Variants in CYLC1 observed in about 807,000 individuals in gnomAD.
CYLC1 encodes cylicin 1.
CYLC1 carries 2 observed loss-of-function variants against 31.6 expected under a neutral mutation model. The observed-to-expected ratio is 0.06, with a 90% CI of 0.03 to 0.20. The LOEUF (loss-of-function observed/expected upper bound fraction) is 0.20. Among genes scored for constraint, CYLC1 ranks in the 10% least tolerant of loss-of-function variants. CYLC1 has a pLI of 1.00. For missense variants in CYLC1, 595 were observed against 424.1 expected (o/e 1.40, Z -3.54); for synonymous variants, 185 against 153.0 (o/e 1.21, Z -1.54).
rs764898635 is a variant in CYLC1, at chrX:83,865,285, C to A, written c.17+4086C>A. ...GCATACACACACACACACACACGCA[C>A]CAACATAGCTTTGGCATCATCCTCG... On this transcript the variant is annotated intron_variant, in intron 1 of 4. Coordinates refer to ENST00000329312, the MANE Select transcript of CYLC1 (RefSeq NM_021118.3). Among the ~76,000 whole-genome samples, 394 of 111,212 alleles carry A rather than the reference C, an allele frequency of 3.5e-3. 1 individual carries two copies. Among genetic ancestry groups the A allele is most frequent in the Non-Finnish European group, 5.9e-3 (312 of 52,958 alleles).
At chrX:83,864,923 G>T (rs2031571493) in intron 1 of CYLC1, among the ~76,000 whole-genome samples, 1 of 109,998 alleles carries the variant, frequency 9.1e-6, no homozygotes, top group African/African-American at 3.3e-5. Context: ...TTTAAATGTT[G>T]AATAGCCTAA....
intron 1 of CYLC1, among the ~76,000 whole-genome samples, chrX:83,862,176 A>G (rs183712256): frequency 8.8e-4 from 98 of 111,697 alleles, no homozygotes; most frequent in South Asian, 6.6e-3. Flanking sequence ...TGTAATGTTC[A>G]TATTTTTTTC....
At chrX:83,884,745 A>G (rs184027302) in intron 4 of CYLC1, among the ~76,000 whole-genome samples, 4 of 110,989 alleles carry the variant, frequency 3.6e-5, no homozygotes, top group Non-Finnish European at 7.6e-5. Flanking sequence ...TTTGCTAACA[A>G]TTTTTTTTCC....
At chrX:83,878,150 G>A (rs865776269) in intron 4 of CYLC1, among the ~76,000 whole-genome samples, 1 of 30,213 alleles carries the variant, frequency 3.3e-5, no homozygotes, top group Non-Finnish European at 5.0e-5. Context: ...ATATATATTT[G>A]TATATAAATA....
At chrX:83,876,202 G>T (rs899465064) in intron 4 of CYLC1, among the ~76,000 whole-genome samples, 1 of 110,272 alleles carries the variant, frequency 9.1e-6, no homozygotes, top group African/African-American at 3.3e-5. Context: ...TTCAAGTCTA[G>T]CTTTCTCCCA....
At chrX:83,880,534 T>G (rs1446703878) in intron 4 of CYLC1, among the ~76,000 whole-genome samples, 1 of 111,618 alleles carries the variant, frequency 9.0e-6, no homozygotes, top group African/African-American at 3.3e-5. Context: ...ATAATTTGGA[T>G]TTAAATCCTT....
intron 4 of CYLC1, among the ~76,000 whole-genome samples, chrX:83,875,870 G>C (rs144784797): frequency 1.8e-5 from 2 of 110,097 alleles, no homozygotes; most frequent in Non-Finnish European, 3.8e-5. Flanking sequence ...TCTAAGCATC[G>C]TAGGACTGCT....
intron 4 of CYLC1, among the ~76,000 whole-genome samples, chrX:83,878,444 A>AATATATATAAATATATATAAAT (rs1569336033): frequency 3.6e-4 from 14 of 38,794 alleles, no homozygotes; most frequent in Non-Finnish European, 5.1e-4. Flanking sequence ...AATATATATA[A>AATATATATAAATATATATAAAT]ATATATATAA....
intron 4 of CYLC1, among the ~76,000 whole-genome samples, chrX:83,886,185 C>T (rs1437964020): frequency 1.8e-5 from 2 of 110,970 alleles, no homozygotes; most frequent in Non-Finnish European, 3.8e-5. Flanking sequence ...AAGTTCTAAT[C>T]CATTAATGTA....
At chrX:83,879,185 A>T (rs2147785921) in intron 4 of CYLC1, among the ~76,000 whole-genome samples, 1 of 110,771 alleles carries the variant, frequency 9.0e-6, no homozygotes, top group Non-Finnish European at 1.9e-5. Context: ...TACAAATACA[A>T]CAACAGAAAC....
intron 1 of CYLC1, among the ~76,000 whole-genome samples, chrX:83,864,474 TG>T (rs768050557): frequency 9.0e-6 from 1 of 111,234 alleles, no homozygotes; most frequent in Non-Finnish European, 1.9e-5. Context: ...CCCCATTTTC[TG>T]TCAGCTTTAT....
In CYLC1 at chrX:83,861,197, G is replaced by A. The variant is rs763642837; in HGVS notation, c.15G>A (p.Arg5=). The A allele has an allele frequency of 2.5e-6, 3 of 1,192,627 alleles. No individual in the cohort carries two copies. Among genetic ancestry groups the A allele is most frequent in the South Asian group, 1.8e-5 (1 of 54,214 alleles). MSLP[R]LLKVNIRTYD... ...AGGCAGGGGAAATGTCTCTTCCAAG[G>A]TTGTAAGTCCTCTTTTTAATATTTT... Residue 5 remains arginine, a splice_region_variant and synonymous_variant, in exon 1 of 5, where the codon AGG becomes AGA. Coordinates refer to ENST00000329312, the MANE Select transcript of CYLC1 (RefSeq NM_021118.3).
chrX:83,886,463 C>T (rs2031984267), intron 4 of CYLC1, 89 bp from the exon 5 acceptor site: 3 of 858,349 alleles, frequency 3.5e-6, no homozygotes, highest in Non-Finnish European at 3.4e-6. Context: ...TCTGTGCTTT[C>T]GTGTGATCCT....
chrX:83,867,189 C>T (rs767090978), intron 1 of CYLC1, among the ~76,000 whole-genome samples: 26 of 111,737 alleles, frequency 2.3e-4, no homozygotes, highest in African/African-American at 7.5e-4. Context: ...TTTACGTATT[C>T]TCAAAGATGA....
At chrX:83,876,545 C>A (rs2031761816) in intron 4 of CYLC1, among the ~76,000 whole-genome samples, 1 of 111,016 alleles carries the variant, frequency 9.0e-6, no homozygotes, top group African/African-American at 3.3e-5. Flanking sequence ...CTTTAATAAA[C>A]TTCCATATGC....
chrX:83,862,753 G>A (rs2031534038), intron 1 of CYLC1, among the ~76,000 whole-genome samples: 1 of 111,152 alleles, frequency 9.0e-6, no homozygotes, highest in Non-Finnish European at 1.9e-5. Flanking sequence ...ACTGTCATCA[G>A]CAACACCCTC....
Position 83,873,896 on chromosome X carries a change from G to T in CYLC1, c.1188G>T (p.Lys396Asn), listed in dbSNP as rs755922353. 8.4e-7 allele frequency: 1 copy of T among 1,196,736 alleles called. No homozygotes were observed. The highest frequency in any genetic ancestry group is 3.0e-5 in the East Asian group (1 of 33,044). Residue 396 changes from lysine (K) to asparagine (N), a missense_variant, in exon 4 of 5, where the codon AAG becomes AAT. Physicochemically the swap from Lys to Asn is moderately conservative, Grantham distance 94. Coordinates refer to ENST00000329312, the MANE Select transcript of CYLC1 (RefSeq NM_021118.3). ...NLKKASKNDDKKKDAKKITFS... is the reference protein window; with the variant it reads ...NLKKASKNDDNKKDAKKITFS... ...AGAAAGCTTCAAAGAATGATGACAAGAAAAAGGATGCAAAGAAAATTACAT... is the reference window on the plus strand; with the variant it reads ...AGAAAGCTTCAAAGAATGATGACAATAAAAAGGATGCAAAGAAAATTACAT...
Position 83,871,569 on chromosome X carries a change from C to T in CYLC1, c.176C>T (p.Thr59Ile), listed in dbSNP as rs1428407376. ...SRPLKSQITV[T>I]RHDKRKLEEG... Reference sequence around the variant, plus strand: ...CCTTTGAAATCACAAATAACAGTTACTGTAAGTATAGAAAAAGTCATTTTT... The same window carrying T: ...CCTTTGAAATCACAAATAACAGTTATTGTAAGTATAGAAAAAGTCATTTTT... Residue 59 changes from threonine to isoleucine, a missense_variant and splice_region_variant, in exon 3 of 5, where the codon ACT (threonine) becomes ATT (isoleucine). By Grantham distance (89) the Thr-to-Ile change is moderately conservative. Coordinates refer to ENST00000329312, the MANE Select transcript of CYLC1 (RefSeq NM_021118.3). The T allele has an allele frequency of 8.5e-7, 1 of 1,182,563 alleles. No homozygotes were observed. The highest frequency in any genetic ancestry group is 1.1e-6 in the Non-Finnish European group (1 of 881,327).
chrX:83,885,800 G>A (rs1191005960), intron 4 of CYLC1, among the ~76,000 whole-genome samples: 4 of 109,670 alleles, frequency 3.6e-5, no homozygotes, highest in African/African-American at 3.3e-5. Flanking sequence ...CTGTCTATAA[G>A]AGAAAAACTT....
Sources: allele counts gnomAD v4.1 joint callset (sites outside exome capture counted in the v4.1 genomes callset), GRCh38; gene constraint gnomAD v4.1.1; transcripts MANE v1.5; gene names NCBI Gene and HGNC (gene_info 2026-07-23, HGNC 2026-07-21).